The following TACR1 variants were observed in gnomAD, a reference collection of about 807,000 sequenced individuals.
The protein encoded by TACR1 is tachykinin receptor 1, also known as substance-P receptor.
Under a neutral mutation model 35.8 loss-of-function variants are expected in TACR1, and 25 were observed. The ratio of observed to expected loss-of-function variants is 0.70; its 90% CI spans 0.51 to 0.98. The LOEUF (loss-of-function observed/expected upper bound fraction) is 0.98, where lower values mean the gene tolerates loss of function less well. TACR1 is among the 50% of genes least tolerant of loss of function. TACR1 has a pLI of 0.00. For missense variants in TACR1, 478 were observed against 522.9 expected (o/e 0.91, Z 0.84); for synonymous variants, 195 against 206.7 (o/e 0.94, Z 0.48).
intron 2 of TACR1, among the ~76,000 whole-genome samples, chr2:75,072,640 A>G (rs1672904635): frequency 6.6e-6 from 1 of 152,216 alleles, no homozygotes; most frequent in Admixed American, 6.5e-5. Flanking sequence ...GCTTCCTGGC[A>G]TCAGACTCTG....
At chr2:75,107,815 C>T (rs1315151554) in intron 2 of TACR1, among the ~76,000 whole-genome samples, 4 of 151,014 alleles carry the variant, frequency 2.6e-5, no homozygotes, top group African/African-American at 7.3e-5. Context: ...TGCATTTAAA[C>T]GAACTTAGGT....
At chr2:75,074,296 G>T (rs925135382) in intron 2 of TACR1, among the ~76,000 whole-genome samples, 1 of 152,132 alleles carries the variant, frequency 6.6e-6, no homozygotes, top group African/African-American at 2.4e-5. Context: ...GAGAGAAATT[G>T]ACAACAGGGA....
chr2:75,049,560 C>T lies in TACR1; in HGVS notation c.1096G>A (p.Glu366Lys), dbSNP rs200902232. The T allele has an allele frequency of 1.2e-5, 19 of 1,614,178 alleles. No homozygotes were observed. The highest frequency in any genetic ancestry group is 6.7e-5 in the East Asian group (3 of 44,880). The change falls in exon 5 of 5, where the codon GAG becomes AAG. Residue 366 changes from glutamate (E) to lysine (K), a missense_variant. Physicochemically the swap from Glu to Lys is moderately conservative, Grantham distance 56. Coordinates refer to ENST00000305249, the MANE Select transcript of TACR1 (RefSeq NM_001058.4). ...TTGGGGCCGTCCTCTGGCTCCTCCT[C>T]GTGGGCCCCCACCACTGTGGAGATG... ...TTISTVVGAH[E>K]EEPEDGPKAT...
chr2:75,123,286 A>T (rs1216176133), intron 1 of TACR1, among the ~76,000 whole-genome samples: 3 of 152,122 alleles, frequency 2.0e-5, no homozygotes, highest in African/African-American at 7.2e-5. Flanking sequence ...TGGTAATTAC[A>T]TTGCCCTCTT....
intron 2 of TACR1, among the ~76,000 whole-genome samples, chr2:75,060,666 A>G (rs1011745650): frequency 4.6e-5 from 7 of 152,188 alleles, no homozygotes; most frequent in African/African-American, 1.7e-4. Flanking sequence ...GAAAACCATG[A>G]GGTGGTTTTA....
At chr2:75,073,449 G>A (rs945460107) in intron 2 of TACR1, among the ~76,000 whole-genome samples, 6 of 152,238 alleles carry the variant, frequency 3.9e-5, no homozygotes, top group African/African-American at 1.4e-4. Context: ...TGTGTGGCAA[G>A]GGGACCATAC....
At chr2:75,063,403 C>T (rs1390379705) in intron 2 of TACR1, among the ~76,000 whole-genome samples, 1 of 152,188 alleles carries the variant, frequency 6.6e-6, no homozygotes, top group African/African-American at 2.4e-5. Context: ...ATCACAAAAA[C>T]ATTTACTGAT....
chr2:75,179,563 G>A (rs1572983917), intron 1 of TACR1, among the ~76,000 whole-genome samples: 1 of 152,188 alleles, frequency 6.6e-6, no homozygotes, highest in Non-Finnish European at 1.5e-5. Flanking sequence ...GAATTTTAAT[G>A]CTCACTAAAT....
chr2:75,190,780 C>T (rs1010224582), intron 1 of TACR1, among the ~76,000 whole-genome samples: 5 of 152,134 alleles, frequency 3.3e-5, no homozygotes, highest in Admixed American at 2.6e-4. Flanking sequence ...AGCACTGGAA[C>T]CCATCGCCTG....
chr2:75,067,939 G>T lies in TACR1; in HGVS notation c.585-14184C>A, dbSNP rs1430289763. On this transcript the variant is annotated intron_variant, in intron 2 of 4. Coordinates refer to ENST00000305249, the MANE Select transcript of TACR1 (RefSeq NM_001058.4). The stretch of plus-strand genomic sequence containing the variant: ...TCACTGAAGGGGTTAGGCAGGGTGG[G>T]ATATGATCTGGCTTTGATTTGGTTA... 2.0e-5 allele frequency among the ~76,000 whole-genome samples: 3 copies of T among 152,166 alleles called. No individual in the cohort carries two copies. The East Asian group carries it at 5.8e-4, about 29-fold the overall frequency.
chr2:75,072,291 G>T (rs1204542541), intron 2 of TACR1, among the ~76,000 whole-genome samples: 1 of 152,198 alleles, frequency 6.6e-6, no homozygotes, highest in African/African-American at 2.4e-5. Context: ...CGGGATTAGC[G>T]ATCTGAGACC....
Position 75,047,843 on chromosome 2 carries a change from A to G in TACR1, c.*1589T>C, listed in dbSNP as rs538730863. 1 of 152,316 alleles carries G rather than the reference A, an allele frequency of 6.6e-6. No individual in the cohort carries two copies. The highest frequency in any genetic ancestry group is 2.4e-5 in the African/African-American group (1 of 41,568). The allele number at this position is 152,316 out of a possible 1,614,324, so 9.4% of individuals were successfully genotyped here. On this transcript the variant is annotated 3_prime_UTR_variant, in exon 5 of 5. Transcript: ENST00000305249. Reference sequence around the variant, plus strand: ...TGGCAAAGGCTGTAAACCATGCATTATTCTCCCCTTAATGTTATGGATGCG... The same window carrying G: ...TGGCAAAGGCTGTAAACCATGCATTGTTCTCCCCTTAATGTTATGGATGCG...
intron 1 of TACR1, among the ~76,000 whole-genome samples, chr2:75,175,728 C>T (rs1675396760): frequency 6.6e-6 from 1 of 152,074 alleles, no homozygotes; most frequent in African/African-American, 2.4e-5. Context: ...TTCCCTATCT[C>T]AATATCCTTA....
At chr2:75,106,297 C>T (rs1376135514) in intron 2 of TACR1, among the ~76,000 whole-genome samples, 1 of 151,920 alleles carries the variant, frequency 6.6e-6, no homozygotes, top group Non-Finnish European at 1.5e-5. Context: ...TTGCAAATCC[C>T]TTTAATAGCT....
Position 75,154,487 on chromosome 2 carries a change from AC to A in TACR1, c.390-33720del, listed in dbSNP as rs1482376979. 3.3e-3 allele frequency: 106 copies of A among 31,692 alleles called. 11 individuals carry two copies. The highest frequency in any genetic ancestry group is 8.3e-3 in the Admixed American group (21 of 2,538). 2.0% of individuals were successfully genotyped at this position (31,692 alleles called of 1,614,324 possible). ...CCCAGTGGAGATTCAGCACTAACCC[AC>A]CACACACACACACACACACACACAC... On this transcript the variant is annotated intron_variant, in intron 1 of 4. Transcript: ENST00000305249.
intron 1 of TACR1, among the ~76,000 whole-genome samples, chr2:75,145,150 T>C (rs531063883): frequency 6.6e-6 from 1 of 152,170 alleles, no homozygotes; most frequent in Non-Finnish European, 1.5e-5. Context: ...AGAAAAAATT[T>C]ATAATCATTT....
rs761523819 is a variant in TACR1 at position 75,053,734 on chromosome 2, C to T, written c.606G>A (p.Val202=). 1.9e-6 allele frequency: 3 copies of T among 1,614,048 alleles called. No homozygotes were observed. The African/African-American group carries it at 4.0e-5, about 22-fold the overall frequency. ...YEKVYHICVT[V]LIYFLPLLVI... ...CCAGCAGGGGGAGGAAGTAGATCAG[C>T]ACAGTCACACAGATGTGGTACCTAC... The change falls in exon 3 of 5, where the codon GTG becomes GTA. Residue 202 remains valine (V), a synonymous_variant. Transcript: ENST00000305249.
chr2:75,104,008 C>G (rs1673592878), intron 2 of TACR1, among the ~76,000 whole-genome samples: 1 of 152,008 alleles, frequency 6.6e-6, no homozygotes, highest in Non-Finnish European at 1.5e-5. Context: ...AAAGAATCTA[C>G]AAAACAACCA....
At position 75,103,908 on chromosome 2, in the gene TACR1, C is replaced by T. The variant is rs149072049; in HGVS notation, c.584+16666G>A. Among the ~76,000 whole-genome samples the T allele has an allele frequency of 5.8e-3, 874 of 151,868 alleles. 13 individuals carry two copies. Among genetic ancestry groups the T allele is most frequent in the Middle Eastern group, 6.8e-3 (2 of 292 alleles). ...ACAAAGCAGAAACATAAAGTAGATA[C>T]ATAAAAGATAAAGAGAAAGGAATCA... is the stretch of plus-strand genomic sequence containing the variant. On this transcript the variant is annotated intron_variant, in intron 2 of 4. Coordinates refer to ENST00000305249, the MANE Select transcript of TACR1 (RefSeq NM_001058.4).
Sources: allele counts gnomAD v4.1 joint callset (sites outside exome capture counted in the v4.1 genomes callset), GRCh38; gene constraint gnomAD v4.1.1; transcripts MANE v1.5; gene names NCBI Gene and HGNC (gene_info 2026-07-23, HGNC 2026-07-21).